Variants in KCNMB2 observed in about 807,000 individuals in gnomAD.
KCNMB2 encodes potassium calcium-activated channel subfamily M regulatory beta subunit 2, also known as calcium-activated potassium channel subunit beta-2.
A neutral mutation model predicts 24.5 loss-of-function variants in KCNMB2; 9 were observed. The ratio of observed to expected loss-of-function variants is 0.37; its 90% CI spans 0.22 to 0.64. The LOEUF is 0.64. Among genes scored for constraint, KCNMB2 ranks in the 30% least tolerant of loss-of-function variants. KCNMB2 has a pLI of 0.63. For missense variants in KCNMB2, 226 were observed against 284.3 expected (o/e 0.79, Z 1.47); for synonymous variants, 109 against 104.4 (o/e 1.04, Z -0.27).
chr3:178,803,983 C>G (rs1026392193), intron 1 of KCNMB2, among the ~76,000 whole-genome samples: 4 of 152,184 alleles, frequency 2.6e-5, no homozygotes, highest in Non-Finnish European at 5.9e-5. Context: ...TCATACTCAT[C>G]TGCAGTTACA....
chr3:178,773,553 G>A (rs1036243365), intron 1 of KCNMB2, among the ~76,000 whole-genome samples: 7 of 152,068 alleles, frequency 4.6e-5, no homozygotes, highest in African/African-American at 1.4e-4. Context: ...ATGTAATGAG[G>A]AGAATGTGCA....
intron 1 of KCNMB2, among the ~76,000 whole-genome samples, chr3:178,599,966 T>C (rs1040063978): frequency 6.6e-6 from 1 of 152,146 alleles, no homozygotes; most frequent in Non-Finnish European, 1.5e-5. Context: ...CAATCTCCAC[T>C]TCCTGGGTTT....
At chr3:178,785,986 TGTAATACTGATAGCAAAAGAACA>T (rs1239670111) in intron 1 of KCNMB2, among the ~76,000 whole-genome samples, 1 of 152,250 alleles carries the variant, frequency 6.6e-6, no homozygotes, top group East Asian at 1.9e-4. Flanking sequence ...TTGCACCCAG[TGTAATACTGATAGCAAAAGAACA>T]GAAATGGAAT....
chr3:178,668,403 T>G (rs546547634), intron 1 of KCNMB2, among the ~76,000 whole-genome samples: 1 of 152,132 alleles, frequency 6.6e-6, no homozygotes, highest in South Asian at 2.1e-4. Flanking sequence ...GTGTAAGAGC[T>G]TTTTCTGCGA....
At chr3:178,813,318 A>T (rs1261603514) in intron 2 of KCNMB2, among the ~76,000 whole-genome samples, 1 of 152,158 alleles carries the variant, frequency 6.6e-6, no homozygotes, top group African/African-American at 2.4e-5. Context: ...AATTATCATG[A>T]TTGCAGTATC....
rs1188804281 is a variant in KCNMB2, at chr3:178,787,572, T to C, written c.-67-19771T>C. Among the ~76,000 whole-genome samples the C allele has an allele frequency of 2.0e-5, 3 of 152,174 alleles. No individual in the cohort carries two copies. The East Asian group carries it at 5.8e-4, about 29-fold the overall frequency. On this transcript the variant is annotated intron_variant, in intron 1 of 4. Coordinates refer to ENST00000452583, the MANE Select transcript of KCNMB2 (RefSeq NM_181361.3). ...CACTTAGATAATAAGGAGCAAAGCC[T>C]AGGTTTGGGTCCATCTGTTCATATT...
At chr3:178,624,296 C>T (rs1719027962) in intron 1 of KCNMB2, among the ~76,000 whole-genome samples, 1 of 148,680 alleles carries the variant, frequency 6.7e-6, no homozygotes, top group Admixed American at 6.7e-5. Flanking sequence ...AACCCATGAA[C>T]AGCTCAACTT....
chr3:178,788,092 A>G (rs147491578), intron 1 of KCNMB2, among the ~76,000 whole-genome samples: 131 of 152,264 alleles, frequency 8.6e-4, no homozygotes, highest in African/African-American at 3.2e-3. Flanking sequence ...TTGAATCCCT[A>G]TAGAAACAAG....
At chr3:178,554,489 T>C (rs1186428188) in intron 1 of KCNMB2, among the ~76,000 whole-genome samples, 1 of 152,230 alleles carries the variant, frequency 6.6e-6, no homozygotes, top group African/African-American at 2.4e-5. Flanking sequence ...AAAAAAATAT[T>C]TGTTTCTCTT....
At chr3:178,797,385 T>G (rs1329244252) in intron 1 of KCNMB2, among the ~76,000 whole-genome samples, 2 of 152,124 alleles carry the variant, frequency 1.3e-5, no homozygotes, top group African/African-American at 4.8e-5. Flanking sequence ...ACTCTGTCTA[T>G]GAGACCATTA....
chr3:178,809,856 T>C (rs1419218557), intron 2 of KCNMB2, among the ~76,000 whole-genome samples: 1 of 152,242 alleles, frequency 6.6e-6, no homozygotes, highest in African/African-American at 2.4e-5. Flanking sequence ...AATTAAAATA[T>C]TGACTACGAA....
chr3:178,656,126 C>T (rs1016156631), intron 1 of KCNMB2, among the ~76,000 whole-genome samples: 2 of 152,030 alleles, frequency 1.3e-5, no homozygotes, highest in Non-Finnish European at 2.9e-5. Flanking sequence ...ATCAATATGA[C>T]CTAGGAAGTA....
chr3:178,721,142 A>G (rs914646795), intron 1 of KCNMB2, among the ~76,000 whole-genome samples: 6 of 152,146 alleles, frequency 3.9e-5, no homozygotes, highest in Non-Finnish European at 7.4e-5. Flanking sequence ...ACCTTGAATT[A>G]ATTTTTGTAT....
chr3:178,748,320 T>C (rs1723737160), intron 1 of KCNMB2: 1 of 152,258 alleles, frequency 6.6e-6, no homozygotes, highest in Admixed American at 6.5e-5. Flanking sequence ...AAACATTTTC[T>C]CTTTCCCCTT....
chr3:178,767,970 A>G (rs1712191084), intron 1 of KCNMB2, among the ~76,000 whole-genome samples: 1 of 151,494 alleles, frequency 6.6e-6, no homozygotes, highest in African/African-American at 2.4e-5. Flanking sequence ...CCATCACCAC[A>G]GGCTGCAGTG....
intron 2 of KCNMB2, among the ~76,000 whole-genome samples, chr3:178,810,113 G>C (rs2108454185): frequency 6.6e-6 from 1 of 151,990 alleles, no homozygotes; most frequent in East Asian, 1.9e-4. Flanking sequence ...AGTATCTGTG[G>C]CTCTGTTTAA....
intron 1 of KCNMB2, among the ~76,000 whole-genome samples, chr3:178,654,942 A>T (rs545170505): frequency 1.3e-5 from 2 of 152,170 alleles, no homozygotes; most frequent in Non-Finnish European, 2.9e-5. Context: ...CATGGAGATT[A>T]TAGTGGTTTC....
chr3:178,551,229 G>A (rs1357469532), intron 1 of KCNMB2, among the ~76,000 whole-genome samples: 2 of 152,174 alleles, frequency 1.3e-5, no homozygotes, highest in Admixed American at 1.3e-4. Context: ...CTTTTTAGTA[G>A]TTGATGAACT....
intron 1 of KCNMB2, among the ~76,000 whole-genome samples, chr3:178,659,455 T>C (rs189140107): frequency 9.2e-5 from 14 of 152,354 alleles, no homozygotes; most frequent in Middle Eastern, 3.4e-3. Context: ...TAGTCAACTT[T>C]GATGTCAATT....
Sources: allele counts gnomAD v4.1 joint callset (sites outside exome capture counted in the v4.1 genomes callset), GRCh38; gene constraint gnomAD v4.1.1; transcripts MANE v1.5; gene names NCBI Gene and HGNC (gene_info 2026-07-23, HGNC 2026-07-21).